Variants in NEDD4L observed in about 807,000 individuals in gnomAD.
The protein encoded by NEDD4L is NEDD4 like E3 ubiquitin protein ligase.
A neutral mutation model predicts 148.9 loss-of-function variants in NEDD4L; 54 were observed. The ratio of observed to expected loss-of-function variants is 0.36; its 90% CI spans 0.29 to 0.45. The LOEUF is 0.45. Among genes scored for constraint, NEDD4L ranks in the 20% least tolerant of loss-of-function variants. NEDD4L has a pLI of 1.00. For missense variants in NEDD4L, 856 were observed against 1,233.8 expected, an observed-to-expected ratio of 0.69 and a Z score of 4.59; for synonymous variants, 433 against 440.7, an observed-to-expected ratio of 0.98 and a Z score of 0.22.
intron 11 of NEDD4L, 137 bp downstream of exon 11, chr18:58,331,051 C>A: frequency 1.2e-6 from 1 of 808,904 alleles, no homozygotes; most frequent in Non-Finnish European, 1.9e-6. Flanking sequence ...CAAAGTTCCT[C>A]CTTCCCTAGG....
At position 58,245,494 on chromosome 18, in the gene NEDD4L, A is replaced by C; in HGVS notation, c.190A>C (p.Lys64Gln). ...TAGAGAACTTGCTTTGGTCCAGACA[A>C]AAACAATTAAAAAGGTAGGTGTCGA... ...ENRELALVQTKTIKKTLNPKW... is the reference protein window; with the variant it reads ...ENRELALVQTQTIKKTLNPKW... Residue 64 changes from lysine (K) to glutamine (Q), a missense_variant, in exon 3 of 31, where the codon AAA becomes CAA. Around this residue, in one of 4 missense-constraint regions of NEDD4L, gnomAD observed 193 missense variants for 244.2 expected, o/e 0.79. Transcript: ENST00000400345. The C allele has an allele frequency of 6.4e-7, 1 of 1,556,666 alleles. No individual in the cohort carries two copies. The highest frequency in any genetic ancestry group is 8.8e-7 in the Non-Finnish European group (1 of 1,136,800).
intron 5 of NEDD4L, among the ~76,000 whole-genome samples, chr18:58,276,420 G>T (rs1351147889): frequency 6.6e-6 from 1 of 151,914 alleles, no homozygotes; most frequent in African/African-American, 2.4e-5. Flanking sequence ...TGTTGGCCAG[G>T]CTGGTCTTGA....
At chr18:58,337,786 T>C (rs188840220) in intron 13 of NEDD4L, among the ~76,000 whole-genome samples, 10 of 152,304 alleles carry the variant, frequency 6.6e-5, no homozygotes, top group East Asian at 5.8e-4. Context: ...CGTCCTGATA[T>C]AGCTTTCTTT....
At chr18:58,175,980 C>T (rs988248758) in intron 2 of NEDD4L, among the ~76,000 whole-genome samples, 3 of 152,184 alleles carry the variant, frequency 2.0e-5, no homozygotes, top group East Asian at 3.8e-4. Flanking sequence ...CTCCATCCTG[C>T]GGGAGGCTTG....
intron 1 of NEDD4L, among the ~76,000 whole-genome samples, chr18:58,139,479 A>G (rs2033247203): frequency 6.6e-6 from 1 of 152,214 alleles, no homozygotes; most frequent in Admixed American, 6.5e-5. Context: ...TGATAATCCT[A>G]TCAACATTCT....
intron 1 of NEDD4L, among the ~76,000 whole-genome samples, chr18:58,163,021 G>A (rs541028084): frequency 8.3e-4 from 126 of 151,100 alleles, no homozygotes; most frequent in African/African-American, 2.9e-3. Flanking sequence ...CTGAGATCCC[G>A]CCACTGCACT....
rs536406168 is a variant in NEDD4L at position 58,223,932 on chromosome 18, C to A, written c.123-21495C>A. On this transcript the variant is annotated intron_variant, in intron 2 of 30. Coordinates refer to ENST00000400345, the MANE Select transcript of NEDD4L (RefSeq NM_001144967.3). ...ATATTTGTGCTTCCTCTGTGCCTGG[C>A]CAGGTTTTCTCAGTACCCAGGAGCA... Among the ~76,000 whole-genome samples the A allele has an allele frequency of 2.6e-5, 4 of 152,290 alleles. No individual in the cohort carries two copies. In the South Asian group the frequency reaches 8.3e-4, roughly 32 times the overall value.
At chr18:58,157,499 G>A (rs1035216298) in intron 1 of NEDD4L, among the ~76,000 whole-genome samples, 1 of 151,964 alleles carries the variant, frequency 6.6e-6, no homozygotes, top group African/African-American at 2.4e-5. Context: ...CTTATGGAAA[G>A]TTATTTCAGT....
At chr18:58,069,236 C>T (rs1210693179) in intron 1 of NEDD4L, among the ~76,000 whole-genome samples, 3 of 151,944 alleles carry the variant, frequency 2.0e-5, no homozygotes, top group Non-Finnish European at 4.4e-5. Context: ...GAAGGGACAA[C>T]CAGCTCCTCA....
intron 18 of NEDD4L, among the ~76,000 whole-genome samples, chr18:58,352,752 C>T (rs2044074571): frequency 6.6e-6 from 1 of 152,178 alleles, no homozygotes; most frequent in Non-Finnish European, 1.5e-5. Flanking sequence ...TTTACTAAAA[C>T]AGGTCTTTAC....
intron 9 of NEDD4L, 32 bp downstream of exon 9, chr18:58,325,194 C>T: frequency 6.2e-7 from 1 of 1,611,154 alleles, no homozygotes; most frequent in Non-Finnish European, 8.5e-7. Context: ...GGAACACGTG[C>T]ACGTGCACTG....
At chr18:58,362,329 C>T (rs2045595116) in intron 19 of NEDD4L, among the ~76,000 whole-genome samples, 1 of 152,190 alleles carries the variant, frequency 6.6e-6, no homozygotes. Flanking sequence ...GTTTGGAGAA[C>T]CCTCACGAAT....
intron 2 of NEDD4L, among the ~76,000 whole-genome samples, chr18:58,203,303 A>G (rs1179954521): frequency 6.6e-6 from 1 of 152,228 alleles, no homozygotes; most frequent in Non-Finnish European, 1.5e-5. Context: ...ATAAAAACTT[A>G]ATTGCAAATT....
intron 1 of NEDD4L, among the ~76,000 whole-genome samples, chr18:58,066,359 A>AAT (rs76579630): frequency 0.72 from 86,586 of 120,916 alleles, 27,240 homozygotes; most frequent in East Asian, 0.87. Context: ...ATTTTGGTGA[A>AAT]ATGTAAATTT....
chr18:58,215,995 T>G (rs1424327995), intron 2 of NEDD4L, among the ~76,000 whole-genome samples: 3 of 152,170 alleles, frequency 2.0e-5, no homozygotes, highest in Non-Finnish European at 2.9e-5. Context: ...TTTTTTTTTT[T>G]TAGTCAGATT....
At chr18:58,046,502 T>C (rs995295351) in intron 1 of NEDD4L, 1 of 152,178 alleles carries the variant, frequency 6.6e-6, no homozygotes, top group Non-Finnish European at 1.5e-5. Flanking sequence ...GAAAAAACGA[T>C]TTTAAGAGTG....
At chr18:58,231,981 C>T (rs2045299669) in intron 2 of NEDD4L, among the ~76,000 whole-genome samples, 1 of 152,212 alleles carries the variant, frequency 6.6e-6, no homozygotes. Flanking sequence ...GGTCTGACTC[C>T]ATGGCTATTA....
intron 1 of NEDD4L, among the ~76,000 whole-genome samples, chr18:58,110,440 C>G (rs1306183477): frequency 1.3e-5 from 2 of 152,230 alleles, no homozygotes; most frequent in Non-Finnish European, 2.9e-5. Flanking sequence ...CCCAGGTCAT[C>G]ATGTGACAAC....
intron 2 of NEDD4L, among the ~76,000 whole-genome samples, chr18:58,184,877 G>A (rs991804483): frequency 6.6e-5 from 10 of 151,720 alleles, no homozygotes; most frequent in Non-Finnish European, 1.0e-4. Flanking sequence ...GCAGGGAGCC[G>A]AGATGGCACC....
Sources: gnomAD v4.1 joint callset for allele counts (sites outside exome capture counted in the v4.1 genomes callset) on GRCh38, gnomAD v4.1.1 for gene constraint, gnomAD v4.1.1 regional missense constraint, MANE v1.5 for transcripts, NCBI Gene and HGNC (gene_info 2026-07-23, HGNC 2026-07-21) for gene names.